The following ELMO1 variants were observed in gnomAD, a reference collection of about 807,000 sequenced individuals.
ELMO1 encodes engulfment and cell motility 1.
In ELMO1, 26 loss-of-function variants were observed where a neutral mutation model predicts 98.9. The ratio of observed to expected loss-of-function variants is 0.26; its 90% CI spans 0.19 to 0.36. ELMO1 has a LOEUF of 0.36. ELMO1 is among the 10% of genes least tolerant of loss of function. The probability of loss-of-function intolerance (pLI) is 1.00; values close to 1 mark genes in which losing one functional copy is unlikely to be tolerated. For synonymous variants in ELMO1, 346 were observed against 346.0 expected, an observed-to-expected ratio of 1.00 and a Z score of 0.00; for missense variants, 627 against 935.2, an observed-to-expected ratio of 0.67 and a Z score of 4.30.
rs572844207 is a variant in ELMO1 at position 37,400,778 on chromosome 7, T to A, written c.-74+47897A>T. Reference sequence around the variant, plus strand: ...ATCTCCCCGCTCCAGACCATCAACTTGACAAGGAAGAGCTAGGATTTAAAC... The same window carrying A: ...ATCTCCCCGCTCCAGACCATCAACTAGACAAGGAAGAGCTAGGATTTAAAC... On this transcript the variant is annotated intron_variant, in intron 1 of 21. Coordinates refer to ENST00000310758, the MANE Select transcript of ELMO1 (RefSeq NM_014800.11). Among the ~76,000 whole-genome samples, 4 of 152,292 alleles carry A rather than the reference T, an allele frequency of 2.6e-5. No homozygotes were observed. The East Asian group carries it at 5.8e-4, about 22-fold the overall frequency.
chr7:37,323,154 T>C (rs977057297), intron 2 of ELMO1, among the ~76,000 whole-genome samples: 2 of 152,212 alleles, frequency 1.3e-5, no homozygotes, highest in African/African-American at 4.8e-5. Flanking sequence ...CCGGGGAAAT[T>C]TTAACATTTG....
At chr7:37,150,440 TAA>T (rs10652093) in intron 13 of ELMO1, among the ~76,000 whole-genome samples, 1 of 146,854 alleles carries the variant, frequency 6.8e-6, no homozygotes, top group African/African-American at 2.5e-5. Flanking sequence ...ACTACTACAC[TAA>T]AAAAAAAAAA....
intron 13 of ELMO1, among the ~76,000 whole-genome samples, chr7:37,198,827 G>A (rs1008312090): frequency 2.6e-5 from 4 of 152,204 alleles, no homozygotes; most frequent in African/African-American, 7.2e-5. Context: ...CTCTCCTTCC[G>A]CCACAGCCAG....
chr7:37,425,772 T>A (rs1804672139), intron 1 of ELMO1, among the ~76,000 whole-genome samples: 1 of 152,202 alleles, frequency 6.6e-6, no homozygotes, highest in Non-Finnish European at 1.5e-5. Flanking sequence ...TGGCCGAGTT[T>A]GAAAACCATC....
chr7:37,206,028 C>A (rs1792595879), intron 13 of ELMO1, among the ~76,000 whole-genome samples: 1 of 152,152 alleles, frequency 6.6e-6, no homozygotes, highest in African/African-American at 2.4e-5. Flanking sequence ...TTAACTGTTA[C>A]TTTCACCACG....
chr7:37,384,447 G>A (rs991045715), intron 1 of ELMO1, among the ~76,000 whole-genome samples: 2 of 152,086 alleles, frequency 1.3e-5, no homozygotes, highest in Non-Finnish European at 2.9e-5. Context: ...CAGGCCAGGC[G>A]CAGTGGCTCA....
intron 5 of ELMO1, among the ~76,000 whole-genome samples, chr7:37,262,106 T>C (rs998251329): frequency 1.3e-5 from 2 of 152,230 alleles, no homozygotes; most frequent in African/African-American, 4.8e-5. Context: ...TATTAATATA[T>C]ACTTTATTAT....
chr7:37,448,435 G>T (rs919961011), intron 1 of ELMO1, among the ~76,000 whole-genome samples: 3 of 151,922 alleles, frequency 2.0e-5, no homozygotes, highest in African/African-American at 7.2e-5. Context: ...GCCATCCCCG[G>T]AGCTCAGACT....
chr7:37,430,260 T>G (rs1467393823), intron 1 of ELMO1, among the ~76,000 whole-genome samples: 1 of 152,214 alleles, frequency 6.6e-6, no homozygotes, highest in Non-Finnish European at 1.5e-5. Flanking sequence ...CCACCTGGGT[T>G]TCTGCCTGCA....
chr7:37,123,618 C>T (rs1786263233), intron 14 of ELMO1, among the ~76,000 whole-genome samples: 2 of 152,202 alleles, frequency 1.3e-5, no homozygotes, highest in South Asian at 4.1e-4. Context: ...AGACCAATAA[C>T]AGGCTCTGAA....
intron 16 of ELMO1, chr7:36,986,132 C>G (rs1261713627): frequency 1.0e-5 from 10 of 987,694 alleles, no homozygotes; most frequent in Non-Finnish European, 1.1e-5. Flanking sequence ...CACTCCAAGT[C>G]CAGAAGAATA....
Position 36,967,110 on chromosome 7 carries a change from A to G in ELMO1, c.1437+46189T>C, listed in dbSNP as rs144525606. Among the ~76,000 whole-genome samples the G allele has an allele frequency of 1.8e-3, 278 of 152,330 alleles. 1 individual carries two copies. Among genetic ancestry groups the G allele is most frequent in the African/African-American group, 6.3e-3 (262 of 41,582 alleles). ...ATTATAACAAACGCCTCTGGTCTCT[A>G]TTCTTTTTAGAAATGTATATTTAGT... On this transcript the variant is annotated intron_variant, in intron 16 of 21. Transcript: ENST00000310758.
At chr7:37,210,921 G>A (rs1023491324) in intron 13 of ELMO1, among the ~76,000 whole-genome samples, 1 of 152,114 alleles carries the variant, frequency 6.6e-6, no homozygotes, top group African/African-American at 2.4e-5. Context: ...TTCATAGCAA[G>A]AGAGACCTTT....
In ELMO1 at chr7:37,005,556, G is replaced by A. The variant is rs531130114; in HGVS notation, c.1437+7743C>T. ...AAATTACAAAAATTAACCAGGCCTC[G>A]TGGCGGGCGCCTGTAATCTCAGCTA... On this transcript the variant is annotated intron_variant, in intron 16 of 21. Coordinates refer to ENST00000310758, the MANE Select transcript of ELMO1 (RefSeq NM_014800.11). 4.8e-4 allele frequency among the ~76,000 whole-genome samples: 73 copies of A among 152,034 alleles called. 1 individual carries two copies. In the South Asian group the frequency reaches 0.011, roughly 22 times the overall value.
At chr7:36,969,813 T>TTGG (rs1789761592) in intron 16 of ELMO1, among the ~76,000 whole-genome samples, 1 of 152,296 alleles carries the variant, frequency 6.6e-6, no homozygotes, top group East Asian at 1.9e-4. Flanking sequence ...AAACAAACTC[T>TTGG]AAATAAATCA....
chr7:36,873,269 C>T (rs1300858509), intron 19 of ELMO1, among the ~76,000 whole-genome samples: 3 of 152,140 alleles, frequency 2.0e-5, no homozygotes, highest in Non-Finnish European at 4.4e-5. Flanking sequence ...TTCTCATGAG[C>T]AGAAACAGAG....
At chr7:37,397,839 T>A (rs1371107746) in intron 1 of ELMO1, among the ~76,000 whole-genome samples, 1 of 152,246 alleles carries the variant, frequency 6.6e-6, no homozygotes, top group East Asian at 1.9e-4. Flanking sequence ...AATGAGATTA[T>A]GTCCTTTGCA....
At chr7:36,954,870 G>A (rs1362576732) in intron 16 of ELMO1, among the ~76,000 whole-genome samples, 1 of 152,194 alleles carries the variant, frequency 6.6e-6, no homozygotes, top group East Asian at 1.9e-4. Context: ...GAATTCTGGA[G>A]ATGGTTCCCA....
intron 1 of ELMO1, among the ~76,000 whole-genome samples, chr7:37,426,410 C>T (rs1804711391): frequency 6.6e-6 from 1 of 152,010 alleles, no homozygotes; most frequent in Non-Finnish European, 1.5e-5. Flanking sequence ...CCTACTTGGC[C>T]TCTCAAAGTG....
Sources: allele counts gnomAD v4.1 joint callset (sites outside exome capture counted in the v4.1 genomes callset), GRCh38; gene constraint gnomAD v4.1.1; transcripts MANE v1.5; gene names NCBI Gene and HGNC (gene_info 2026-07-23, HGNC 2026-07-21).